The following POC1A variants were observed in gnomAD, a reference collection of about 807,000 sequenced individuals.
POC1A encodes the protein POC1 centriolar protein homolog A.
POC1A carries 34 observed loss-of-function variants against 47.8 expected under a neutral mutation model. That is an observed-to-expected ratio of 0.71 (90% CI 0.54 to 0.95). The LOEUF is 0.95. Ranked by LOEUF, POC1A falls within the 40% of genes least tolerant of loss-of-function variation. The probability of loss-of-function intolerance (pLI) is 0.00; values close to 1 mark genes in which losing one functional copy is unlikely to be tolerated. For synonymous variants in POC1A, 177 were observed against 207.6 expected, an observed-to-expected ratio of 0.85 and a Z score of 1.27; for missense variants, 466 against 528.3, an observed-to-expected ratio of 0.88 and a Z score of 1.16.
At position 52,108,664 on chromosome 3, in the gene POC1A, C is replaced by T. The variant is rs558969842; in HGVS notation, c.982-11952G>A. 2.8e-4 allele frequency among the ~76,000 whole-genome samples: 42 copies of T among 152,238 alleles called. No homozygotes were observed. The South Asian group carries it at 7.9e-3, about 29-fold the overall frequency. ...TAACCAGGACTGGCTCTACCCAACC[C>T]GCAAAAGCAGCAGCCCTCCACCAGA... On this transcript the variant is annotated intron_variant, in intron 9 of 10. Transcript: ENST00000296484.
chr3:52,125,076 C>T (rs1199983096), intron 8 of POC1A, 37 bp downstream of exon 8: 1 of 1,482,068 alleles, frequency 6.7e-7, no homozygotes, highest in African/African-American at 1.4e-5. Flanking sequence ...GCTCAGATTC[C>T]CTTCTTCACC....
Position 52,140,195 on chromosome 3 carries a change from C to T in POC1A, c.680-1893G>A, listed in dbSNP as rs552028561. 6.6e-5 allele frequency among the ~76,000 whole-genome samples: 10 copies of T among 152,334 alleles called. No homozygotes were observed. The South Asian group carries it at 2.1e-3, about 32-fold the overall frequency. On this transcript the variant is annotated intron_variant, in intron 6 of 10. Coordinates refer to ENST00000296484, the MANE Select transcript of POC1A (RefSeq NM_015426.5). ...CTGATGTGCCGATGTGCCGGGGAGT[C>T]TGGATACGTGTTCCCAGGCACACTT...
At chr3:52,138,326 T>G in intron 6 of POC1A, 24 bp from the exon 7 acceptor site, 1 of 1,600,350 alleles carries the variant, frequency 6.2e-7, no homozygotes. Flanking sequence ...ATCAGTCAGG[T>G]GCTGGCTAGG....
chr3:52,125,726 G>C (rs1252941450), intron 7 of POC1A, among the ~76,000 whole-genome samples: 3 of 152,090 alleles, frequency 2.0e-5, no homozygotes, highest in African/African-American at 7.2e-5. Flanking sequence ...AAGGTGCTTG[G>C]GCAGCAGAGC....
chr3:52,149,753 TG>T, intron 3 of POC1A, 62 bp downstream of exon 3: 2 of 1,503,462 alleles, frequency 1.3e-6, no homozygotes, highest in South Asian at 2.4e-5. Context: ...GGGACCTGGG[TG>T]GGGATGGCTC....
chr3:52,081,227 G>A (rs1353387558), intron 10 of POC1A, among the ~76,000 whole-genome samples: 1 of 152,224 alleles, frequency 6.6e-6, no homozygotes, highest in East Asian at 1.9e-4. Flanking sequence ...GGACACGCCT[G>A]CTGGCTTCCG....
chr3:52,086,170 T>C (rs1383789165), intron 10 of POC1A, among the ~76,000 whole-genome samples: 1 of 152,110 alleles, frequency 6.6e-6, no homozygotes, highest in Non-Finnish European at 1.5e-5. Flanking sequence ...AGGAGCCAGA[T>C]AACTGGGCCA....
rs1703950832 is a variant in POC1A at position 52,125,200 on chromosome 3, A to T, written c.814-19T>A. ...CTGGTCCCTGGCAGAACAAACAAAAAATAACACACATCAAAGGTCATTCTC... is the reference window on the plus strand; with the variant it reads ...CTGGTCCCTGGCAGAACAAACAAAATATAACACACATCAAAGGTCATTCTC... On this transcript the variant is annotated intron_variant, in intron 7 of 10. Coordinates refer to ENST00000296484, the MANE Select transcript of POC1A (RefSeq NM_015426.5). 1 of 1,592,366 alleles carries T rather than the reference A, an allele frequency of 6.3e-7. No homozygotes were observed. Among genetic ancestry groups the T allele is most frequent in the African/African-American group, 1.3e-5 (1 of 74,378 alleles).
At chr3:52,133,126 ACAAGGGCTCCGCC>A (rs764978466) in intron 7 of POC1A, among the ~76,000 whole-genome samples, 5 of 152,120 alleles carry the variant, frequency 3.3e-5, no homozygotes, top group Non-Finnish European at 5.9e-5. Flanking sequence ...TGATTGAGTC[ACAAGGGCTCCGCC>A]CTCATGAAGG....
In POC1A at chr3:52,084,219, C is replaced by G. The variant is rs903891853; in HGVS notation, c.1126-8234G>C. 1.6e-4 allele frequency among the ~76,000 whole-genome samples: 24 copies of G among 152,238 alleles called. No homozygotes were observed. The highest frequency in any genetic ancestry group is 2.4e-4 in the Non-Finnish European group (16 of 68,042). On this transcript the variant is annotated intron_variant, in intron 10 of 10. Transcript: ENST00000296484. This position sits in a 1 kb window ranked among gnomAD's most constrained non-coding sequence, Gnocchi z 4.3. Reference sequence around the variant, plus strand: ...ATGGACAGACTGGCACTTCAGAGCACAGACCAAGGGCACACCCTCAGAGAC... The same window carrying G: ...ATGGACAGACTGGCACTTCAGAGCAGAGACCAAGGGCACACCCTCAGAGAC...
rs776643394 is a variant in POC1A, at chr3:52,096,547, G to A, written c.1125+22C>T. ...CCAAGTGCAGATGACGGGATGACGGGTGAACCCACAGTGTGGCCTACCTGA... is the reference window on the plus strand; with the variant it reads ...CCAAGTGCAGATGACGGGATGACGGATGAACCCACAGTGTGGCCTACCTGA... On this transcript the variant is annotated intron_variant, in intron 10 of 10. Coordinates refer to ENST00000296484, the MANE Select transcript of POC1A (RefSeq NM_015426.5). 8.5e-6 allele frequency: 13 copies of A among 1,525,062 alleles called. No homozygotes were observed. The South Asian group carries it at 1.3e-4, about 15-fold the overall frequency. The allele number at this position is 1,525,062 out of a possible 1,614,324, so 94.5% of individuals were successfully genotyped here.
chr3:52,111,920 T>A (rs1703401597), intron 9 of POC1A, among the ~76,000 whole-genome samples: 1 of 152,070 alleles, frequency 6.6e-6, no homozygotes, highest in African/African-American at 2.4e-5. Context: ...GAACACAGAT[T>A]CAAGAATAGG....
At chr3:52,127,455 A>ATCTTGGC (rs1184200585) in intron 7 of POC1A, among the ~76,000 whole-genome samples, 1 of 148,020 alleles carries the variant, frequency 6.8e-6, no homozygotes, top group East Asian at 2.0e-4. Flanking sequence ...CAGTGGTGCG[A>ATCTTGGC]TCTTGGCTCA....
intron 10 of POC1A, 102 bp downstream of exon 10, chr3:52,096,467 A>C: frequency 9.9e-7 from 1 of 1,011,470 alleles, no homozygotes; most frequent in Non-Finnish European, 1.4e-6. Context: ...CGTTATAATT[A>C]TGTTTTTAAA....
chr3:52,112,131 C>T (rs554404412), intron 9 of POC1A, among the ~76,000 whole-genome samples: 3 of 152,128 alleles, frequency 2.0e-5, no homozygotes, highest in South Asian at 2.1e-4. Flanking sequence ...AAAGGGCCCA[C>T]GGGGCAGCAC....
Position 52,125,096 on chromosome 3 carries a change from G to T in POC1A, c.882+17C>A, listed in dbSNP as rs771350830. 2 of 1,579,224 alleles carry T rather than the reference G, an allele frequency of 1.3e-6. No homozygotes were observed. The highest frequency in any genetic ancestry group is 1.7e-6 in the Non-Finnish European group (2 of 1,148,602). On this transcript the variant is annotated intron_variant, in intron 8 of 10. Transcript: ENST00000296484. ...GATTCCCTTCTTCACCATTCCATTC[G>T]ACTACTCTTTACTTACTTGTTCATC... is the stretch of plus-strand genomic sequence containing the variant.
intron 6 of POC1A, among the ~76,000 whole-genome samples, chr3:52,141,893 G>T (rs569905590): frequency 6.6e-6 from 1 of 152,284 alleles, no homozygotes; most frequent in East Asian, 1.9e-4. Flanking sequence ...GGGGGTGCAG[G>T]GCTGCACTAA....
At chr3:52,076,089 A>C in intron 10 of POC1A, 104 bp from the exon 11 acceptor site, 2 of 794,376 alleles carry the variant, frequency 2.5e-6, no homozygotes, top group South Asian at 1.4e-5. Flanking sequence ...CACTGCCCAA[A>C]TGCCAGCTGG....
At chr3:52,125,006 G>T in intron 8 of POC1A, 107 bp downstream of exon 8, 2 of 848,066 alleles carry the variant, frequency 2.4e-6, no homozygotes, top group Admixed American at 4.6e-5. Flanking sequence ...AAGCCACCAA[G>T]GAAGCTGGCG....
Sources: allele counts gnomAD v4.1 joint callset (sites outside exome capture counted in the v4.1 genomes callset), GRCh38; gene constraint gnomAD v4.1.1; non-coding constraint Gnocchi (gnomAD v3.1); transcripts MANE v1.5; gene names NCBI Gene and HGNC (gene_info 2026-07-23, HGNC 2026-07-21).